PIMREG: variants seen among roughly 807,000 people sequenced by gnomAD.
PIMREG encodes PICALM interacting mitotic regulator, also known as protein PIMREG.
A neutral mutation model predicts 24.3 loss-of-function variants in PIMREG; 19 were observed. The ratio of observed to expected loss-of-function variants is 0.78; its 90% CI spans 0.54 to 1.15. PIMREG has a LOEUF of 1.15. Ranked by LOEUF, PIMREG falls within the 50% of genes most tolerant of loss-of-function variation. PIMREG has a pLI of 0.00. For missense variants in PIMREG, 283 were observed against 306.8 expected, an observed-to-expected ratio of 0.92 and a Z score of 0.58; for synonymous variants, 112 against 124.1, an observed-to-expected ratio of 0.90 and a Z score of 0.65.
rs1223886468 is a variant in PIMREG at position 6,451,377 on chromosome 17, CTT to C, written c.*1031_*1032del. ...TTTAACTCCATAATGCTGTTTTTGT[CTT>C]GTTAGAAATCTGATATCTTACATTA... is the stretch of plus-strand genomic sequence containing the variant. On this transcript the variant is annotated 3_prime_UTR_variant, in exon 6 of 6. Coordinates refer to ENST00000572447, the MANE Select transcript of PIMREG (RefSeq NM_019013.3). The C allele has an allele frequency of 6.6e-6, 1 of 152,206 alleles. No homozygotes were observed. The highest frequency in any genetic ancestry group is 2.4e-5 in the African/African-American group (1 of 41,460). The allele number at this position is 152,206 out of a possible 1,614,324, so 9.4% of individuals were successfully genotyped here. A position where few individuals can be genotyped will look rare whatever the true frequency, so the allele number is the denominator to read the frequency against.
chr17:6,450,074 T>C lies in PIMREG; in HGVS notation c.*14+2T>C, dbSNP rs1342959789. On this transcript the variant is annotated splice_donor_variant, in intron 5 of 5. Transcript: ENST00000572447. LOFTEE classifies it low-confidence loss of function (3UTR_SPLICE). ...TCATGACTGAGGAAGTGCCTGCAGG[T>C]AATGCCCACCTCCCAAGAGTCTTTC... 6.2e-7 allele frequency: 1 copy of C among 1,613,830 alleles called. No homozygotes were observed. Among genetic ancestry groups the C allele is most frequent in the Admixed American group, 1.7e-5 (1 of 60,026 alleles).
At chr17:6,445,896 A>G (rs888363351) in intron 2 of PIMREG, among the ~76,000 whole-genome samples, 1 of 152,226 alleles carries the variant, frequency 6.6e-6, no homozygotes, top group Admixed American at 6.5e-5. Context: ...TGAACAGATG[A>G]CAGAGAGCAA....
Position 6,450,826 on chromosome 17 carries a change from G to A in PIMREG, c.*479G>A, listed in dbSNP as rs1016295234. On this transcript the variant is annotated 3_prime_UTR_variant, in exon 6 of 6. Coordinates refer to ENST00000572447, the MANE Select transcript of PIMREG (RefSeq NM_019013.3). ...TCTCATCCCTCCTTTCCCTACCAGG[G>A]ACTCGGAGGAAGGCATAGGAGATAT... The A allele has an allele frequency of 1.0e-5, 2 of 196,126 alleles. No homozygotes were observed. The highest frequency in any genetic ancestry group is 2.1e-5 in the Non-Finnish European group (2 of 96,114). 12.1% of individuals were successfully genotyped at this position (196,126 alleles called of 1,614,324 possible).
intron 3 of PIMREG, among the ~76,000 whole-genome samples, chr17:6,448,301 A>AAG (rs1555549521): frequency 1.9e-4 from 28 of 149,312 alleles, no homozygotes; most frequent in African/African-American, 3.7e-4. Flanking sequence ...AAAAAAAAAA[A>AAG]AGAGAGAGAG....
chr17:6,449,589 T>A (rs1358145067), intron 4 of PIMREG, 182 bp downstream of exon 4: 6 of 1,065,204 alleles, frequency 5.6e-6, no homozygotes, highest in Non-Finnish European at 6.5e-6. Context: ...ACTGGGGTGA[T>A]GGTAAAGGAT....
rs1462974283 is a variant in PIMREG, at chr17:6,448,024, C to G, written c.590+266C>G. On this transcript the variant is annotated intron_variant, in intron 3 of 5. Transcript: ENST00000572447. Reference sequence around the variant, plus strand: ...ACAGGCTGGGCGCAGTGGCTCACACCTGTAATCCCAGCACTTTGGGAGGCC... The same window carrying G: ...ACAGGCTGGGCGCAGTGGCTCACACGTGTAATCCCAGCACTTTGGGAGGCC... Among the ~76,000 whole-genome samples, 5 of 152,264 alleles carry G rather than the reference C, an allele frequency of 3.3e-5. No individual in the cohort carries two copies. The East Asian group carries it at 9.6e-4, about 29-fold the overall frequency.
intron 4 of PIMREG, 116 bp downstream of exon 4, chr17:6,449,523 C>T (rs1913726537): frequency 9.3e-7 from 1 of 1,078,502 alleles, no homozygotes; most frequent in African/African-American, 1.6e-5. Flanking sequence ...CAGTCTCTGC[C>T]CCTCTCTGGG....
At chr17:6,449,535 C>T in intron 4 of PIMREG, 128 bp downstream of exon 4, 5 of 1,022,414 alleles carry the variant, frequency 4.9e-6, no homozygotes, top group Non-Finnish European at 6.9e-6. Flanking sequence ...CTCTCTGGGC[C>T]TCAGTCTCCC....
chr17:6,450,890 A>G lies in PIMREG; in HGVS notation c.*543A>G, dbSNP rs763482028. ...ACCCTGGGCTCACGGGTACCTATTTATATGCTCAGTGCAGAGCACTGTGGA... is the reference window on the plus strand; with the variant it reads ...ACCCTGGGCTCACGGGTACCTATTTGTATGCTCAGTGCAGAGCACTGTGGA... On this transcript the variant is annotated 3_prime_UTR_variant, in exon 6 of 6. Coordinates refer to ENST00000572447, the MANE Select transcript of PIMREG (RefSeq NM_019013.3). 4 of 163,906 alleles carry G rather than the reference A, an allele frequency of 2.4e-5. No individual in the cohort carries two copies. The highest frequency in any genetic ancestry group is 5.3e-5 in the Non-Finnish European group (4 of 75,408). 10.2% of individuals were successfully genotyped at this position (163,906 alleles called of 1,614,324 possible).
chr17:6,446,450 T>A (rs1359740664), intron 2 of PIMREG, among the ~76,000 whole-genome samples: 4 of 152,178 alleles, frequency 2.6e-5, no homozygotes, highest in Non-Finnish European at 5.9e-5. Flanking sequence ...ACTTTTTGAT[T>A]GTTTTCACCA....
At chr17:6,450,315 A>G (rs1299616506) in intron 5 of PIMREG, 47 bp from the exon 6 acceptor site, 2 of 1,496,522 alleles carry the variant, frequency 1.3e-6, no homozygotes, top group South Asian at 2.4e-5. Context: ...AGGCATCCCT[A>G]CTTCTCCTAC....
In PIMREG at chr17:6,445,325, T is replaced by A. The variant is rs1913531463; in HGVS notation, c.215T>A (p.Leu72Gln). The change falls in exon 2 of 6, where the codon CTG becomes CAG. Residue 72 changes from leucine (L) to glutamine (Q), a missense_variant. Transcript: ENST00000572447. ...CGCGCAGGGCCCTCCTGGAAACGCC[T>A]GGAAACCCCAGAGCCAGGTCAGCAG... ...NLRAGPSWKR[L>Q]ETPEPGQQGL... The A allele has an allele frequency of 6.2e-7, 1 of 1,613,948 alleles. No homozygotes were observed. Among genetic ancestry groups the A allele is most frequent in the African/African-American group, 1.3e-5 (1 of 74,880 alleles).
rs199879221 is a variant in PIMREG at position 6,444,996 on chromosome 17, CCT to C, written c.-35-79_-35-78del. 23,877 of 1,188,592 alleles carry C rather than the reference CCT, an allele frequency of 0.02. 296 individuals carry two copies. Among genetic ancestry groups the C allele is most frequent in the Non-Finnish European group, 0.024 (21,491 of 883,450 alleles). 73.6% of individuals were successfully genotyped at this position (1,188,592 alleles called of 1,614,324 possible). A position where few individuals can be genotyped will look rare whatever the true frequency, so the allele number is the denominator to read the frequency against. Reference sequence around the variant, plus strand: ...CACCCCGCTGCATCCCGTCTCTTCCCCTGTGTCCAGGGTCTCTGTGGGGCCTG... The same window carrying C: ...CACCCCGCTGCATCCCGTCTCTTCCCGTGTCCAGGGTCTCTGTGGGGCCTG... On this transcript the variant is annotated intron_variant, in intron 1 of 5. Transcript: ENST00000572447. This position sits in a 1 kb window ranked among gnomAD's most constrained non-coding sequence, Gnocchi z 4.3.
intron 3 of PIMREG, 81 bp downstream of exon 3, chr17:6,447,839 C>T (rs1913645602): frequency 1.4e-6 from 2 of 1,444,270 alleles, no homozygotes; most frequent in Non-Finnish European, 1.9e-6. Context: ...TCCCAGACAC[C>T]AACTGGGCCC....
In PIMREG at chr17:6,447,725, C is replaced by A. The variant is rs1189893982; in HGVS notation, c.557C>A (p.Pro186His). 1.9e-6 allele frequency: 3 copies of A among 1,612,838 alleles called. No individual in the cohort carries two copies. Among genetic ancestry groups the A allele is most frequent in the Non-Finnish European group, 2.5e-6 (3 of 1,179,198 alleles). ...AGGCGGGAGGCTGCCTTCCGGAGCC[C>A]CTACTCCTCAACAGAGCCCCTCTGC... ...RSRREAAFRS[P>H]YSSTEPLCSP... The change falls in exon 3 of 6, where the codon CCC (proline) becomes CAC (histidine). Residue 186 changes from proline (P) to histidine (H), a missense_variant. Coordinates refer to ENST00000572447, the MANE Select transcript of PIMREG (RefSeq NM_019013.3).
At position 6,449,778 on chromosome 17, in the gene PIMREG, G is replaced by A. The variant is rs1913742077; in HGVS notation, c.687-250G>A. ...GCAACCTGACTGCTATGGAGTTCCT[G>A]GTCTGTCTGCTCATGGCCCCATCCT... On this transcript the variant is annotated intron_variant, in intron 4 of 5. Coordinates refer to ENST00000572447, the MANE Select transcript of PIMREG (RefSeq NM_019013.3). 3 of 1,414,394 alleles carry A rather than the reference G, an allele frequency of 2.1e-6. No individual in the cohort carries two copies. The Admixed American group carries it at 8.8e-5, about 41-fold the overall frequency. 87.6% of individuals were successfully genotyped at this position (1,414,394 alleles called of 1,614,324 possible). A position where few individuals can be genotyped will look rare whatever the true frequency, so the allele number is the denominator to read the frequency against.
chr17:6,447,189 G>A (rs1913609210), intron 2 of PIMREG, among the ~76,000 whole-genome samples: 1 of 151,978 alleles, frequency 6.6e-6, no homozygotes, highest in African/African-American at 2.4e-5. Flanking sequence ...TCGGCTCACT[G>A]CAACCTCCGC....
chr17:6,444,930 C>A lies in PIMREG; in HGVS notation c.-35-146C>A, dbSNP rs1913511860. The stretch of plus-strand genomic sequence containing the variant: ...CGAGGCCCCTCTTCCAGGAAGCATC[C>A]TCCTTCCTGCACCCACACTTACCAA... On this transcript the variant is annotated intron_variant, in intron 1 of 5. Coordinates refer to ENST00000572447, the MANE Select transcript of PIMREG (RefSeq NM_019013.3). The surrounding 1 kb of genome is among the most constrained non-coding windows in gnomAD (Gnocchi z 4.3). 6 of 526,328 alleles carry A rather than the reference C, an allele frequency of 1.1e-5. No individual in the cohort carries two copies. The East Asian group carries it at 2.0e-4, about 17-fold the overall frequency. The allele number at this position is 526,328 out of a possible 1,614,324, so 32.6% of individuals were successfully genotyped here. A position where few individuals can be genotyped will look rare whatever the true frequency, so the allele number is the denominator to read the frequency against.
chr17:6,450,188 C>T, intron 5 of PIMREG, 116 bp downstream of exon 5: 1 of 1,254,574 alleles, frequency 8.0e-7, no homozygotes, highest in Non-Finnish European at 1.1e-6. Context: ...GTAGTACCTA[C>T]TTGCCGCTTG....
Sources: gnomAD v4.1 joint callset for allele counts (sites outside exome capture counted in the v4.1 genomes callset) on GRCh38, gnomAD v4.1.1 for gene constraint, Gnocchi (gnomAD v3.1) non-coding constraint, MANE v1.5 for transcripts, NCBI Gene and HGNC (gene_info 2026-07-23, HGNC 2026-07-21) for gene names.